PTPRE: variants seen among roughly 807,000 people sequenced by gnomAD.
PTPRE encodes the protein receptor-type tyrosine-protein phosphatase epsilon.
In PTPRE, 51 loss-of-function variants were observed where a neutral mutation model predicts 102.0. The observed-to-expected ratio is 0.50, with a 90% CI of 0.40 to 0.63. The LOEUF (loss-of-function observed/expected upper bound fraction) is 0.63. PTPRE is among the 30% of genes least tolerant of loss of function. The pLI, the probability that PTPRE is intolerant of heterozygous loss-of-function variation, is 0.00. For synonymous variants in PTPRE, 345 were observed against 348.2 expected (o/e 0.99, Z 0.10); for missense variants, 752 against 915.1 (o/e 0.82, Z 2.30).
At chr10:127,986,287 C>A (rs1852085815) in intron 2 of PTPRE, among the ~76,000 whole-genome samples, 1 of 152,180 alleles carries the variant, frequency 6.6e-6, no homozygotes, top group Admixed American at 6.5e-5. Context: ...GTTCCTTCAA[C>A]TGGAGAAAGC....
intron 2 of PTPRE, among the ~76,000 whole-genome samples, chr10:128,010,793 G>T (rs745694275): frequency 2.6e-5 from 4 of 152,002 alleles, no homozygotes; most frequent in Non-Finnish European, 5.9e-5. Context: ...GGGTTTCACC[G>T]TGTTAGCCAG....
intron 2 of PTPRE, among the ~76,000 whole-genome samples, chr10:127,983,023 C>T (rs533795099): frequency 1.2e-4 from 18 of 152,254 alleles, no homozygotes; most frequent in African/African-American, 4.3e-4. Context: ...TTAGCGGGCA[C>T]CATGATACCG....
chr10:127,997,980 T>G (rs1031489731), intron 2 of PTPRE: 1 of 152,260 alleles, frequency 6.6e-6, no homozygotes, highest in African/African-American at 2.4e-5. Flanking sequence ...CACTAAGTTT[T>G]ATATAGCCAG....
chr10:127,971,684 G>A (rs971114165), intron 1 of PTPRE, among the ~76,000 whole-genome samples: 33 of 152,206 alleles, frequency 2.2e-4, no homozygotes, highest in Admixed American at 1.9e-3. Context: ...CAGCGTGCGC[G>A]ATTTGCAGTT....
chr10:127,972,740 A>G (rs780687668), intron 1 of PTPRE, among the ~76,000 whole-genome samples: 1 of 152,168 alleles, frequency 6.6e-6, no homozygotes, highest in Non-Finnish European at 1.5e-5. Flanking sequence ...CTGGCTGGAG[A>G]GCACACGCTG....
At position 128,028,129 on chromosome 10, in the gene PTPRE, T is replaced by C. The variant is rs926667943; in HGVS notation, c.-7-12746T>C. 6.6e-6 allele frequency among the ~76,000 whole-genome samples: 1 copy of C among 152,202 alleles called. No homozygotes were observed. Among genetic ancestry groups the C allele is most frequent in the Non-Finnish European group, 1.5e-5 (1 of 68,034 alleles). On this transcript the variant is annotated intron_variant, in intron 2 of 20. Coordinates refer to ENST00000254667, the MANE Select transcript of PTPRE (RefSeq NM_006504.6). The surrounding 1 kb of genome is among the most constrained non-coding windows in gnomAD (Gnocchi z 4.5). The stretch of plus-strand genomic sequence containing the variant: ...AGACCACTGGATTTCTGGAGAACAC[T>C]GTACTTCGCCAGCCTGCGGCAGACA...
chr10:128,043,909 AT>A (rs1312243006), intron 3 of PTPRE, among the ~76,000 whole-genome samples: 1 of 152,184 alleles, frequency 6.6e-6, no homozygotes. Context: ...TTTCTTTCAT[AT>A]TTAATGTGGC....
At chr10:128,000,107 G>A (rs933629160) in intron 2 of PTPRE, 10 of 466,650 alleles carry the variant, frequency 2.1e-5, no homozygotes, top group African/African-American at 4.3e-5. Flanking sequence ...GATAATTTAG[G>A]AATGTCACAG....
rs373868826 is a variant in PTPRE, at chr10:127,967,015, GCAAA to G, written c.-30-15248_-30-15245del. 2.5e-3 allele frequency among the ~76,000 whole-genome samples: 380 copies of G among 152,272 alleles called. 2 individuals are homozygous for G. Among genetic ancestry groups the G allele is most frequent in the African/African-American group, 8.7e-3 (363 of 41,546 alleles). The stretch of plus-strand genomic sequence containing the variant: ...TCTGTAAGAGATAAAGCGTTTTGTG[GCAAA>G]CAAACAAACACTTCAAGGGCAAAGT... On this transcript the variant is annotated intron_variant, in intron 1 of 20. Coordinates refer to ENST00000254667, the MANE Select transcript of PTPRE (RefSeq NM_006504.6).
At chr10:127,972,667 G>A (rs1055981813) in intron 1 of PTPRE, among the ~76,000 whole-genome samples, 1 of 152,352 alleles carries the variant, frequency 6.6e-6, no homozygotes, top group African/African-American at 2.4e-5. Context: ...GACCTCATGT[G>A]TAGTGGCCAT....
chr10:127,999,567 C>T, intron 2 of PTPRE: 2 of 985,372 alleles, frequency 2.0e-6, no homozygotes, highest in Non-Finnish European at 2.4e-6. Flanking sequence ...CTGACTGCAC[C>T]ATCGAGCACG....
chr10:127,935,388 C>T (rs545538842), intron 1 of PTPRE, among the ~76,000 whole-genome samples: 30 of 152,292 alleles, frequency 2.0e-4, no homozygotes, highest in African/African-American at 6.7e-4. Flanking sequence ...AACCCACATC[C>T]CAGGCTTGAA....
At chr10:127,973,382 C>A (rs1345840472) in intron 1 of PTPRE, among the ~76,000 whole-genome samples, 1 of 152,154 alleles carries the variant, frequency 6.6e-6, no homozygotes, top group Non-Finnish European at 1.5e-5. Context: ...ATAACAGATA[C>A]CTAGAATCTT....
chr10:128,073,244 C>T (rs561652017), intron 16 of PTPRE, 93 bp from the exon 17 acceptor site: 3 of 1,529,726 alleles, frequency 2.0e-6, no homozygotes, highest in South Asian at 1.2e-5. Flanking sequence ...GAGTTTTCCT[C>T]ATTAGGCCTT....
At chr10:127,985,779 T>TA (rs1373093702) in intron 2 of PTPRE, among the ~76,000 whole-genome samples, 13 of 151,874 alleles carry the variant, frequency 8.6e-5, no homozygotes, top group Admixed American at 6.6e-4. Context: ...ATTTTTCACT[T>TA]AAAAAAACTA....
At chr10:128,041,646 C>CAAAAAAAAAAAAAAA (rs59411622) in intron 3 of PTPRE, among the ~76,000 whole-genome samples, 1 of 77,366 alleles carries the variant, frequency 1.3e-5, no homozygotes, top group African/African-American at 5.4e-5. Flanking sequence ...GACTACGTCT[C>CAAAAAAAAAAAAAAA]AAAAAAAAAA....
intron 3 of PTPRE, among the ~76,000 whole-genome samples, chr10:128,046,726 A>C (rs747838586): frequency 6.6e-6 from 1 of 152,158 alleles, no homozygotes; most frequent in Non-Finnish European, 1.5e-5. Flanking sequence ...ATTTGGGCTG[A>C]TGAGCCAGGG....
At chr10:127,990,066 C>A (rs190563236) in intron 2 of PTPRE, among the ~76,000 whole-genome samples, 38 of 152,268 alleles carry the variant, frequency 2.5e-4, no homozygotes, top group Non-Finnish European at 4.4e-5. Flanking sequence ...AGTCCTTTCT[C>A]TACTAAGTAT....
chr10:128,070,488 G>A lies in PTPRE; in HGVS notation c.1293+38G>A. 1 of 1,595,222 alleles carries A rather than the reference G, an allele frequency of 6.3e-7. No homozygotes were observed. The highest frequency in any genetic ancestry group is 8.5e-7 in the Non-Finnish European group (1 of 1,171,328). On this transcript the variant is annotated intron_variant, in intron 14 of 20. Coordinates refer to ENST00000254667, the MANE Select transcript of PTPRE (RefSeq NM_006504.6). The surrounding 1 kb of genome is among the most constrained non-coding windows in gnomAD (Gnocchi z 4.8). ...GACCCTCCTCTCCATCCTGGTGTAAGCAGCCAAGGGCACGAGGAAAACAGG... is the reference window on the plus strand; with the variant it reads ...GACCCTCCTCTCCATCCTGGTGTAAACAGCCAAGGGCACGAGGAAAACAGG...
Sources: allele counts gnomAD v4.1 joint callset (sites outside exome capture counted in the v4.1 genomes callset), GRCh38; gene constraint gnomAD v4.1.1; non-coding constraint Gnocchi (gnomAD v3.1); transcripts MANE v1.5; gene names NCBI Gene and HGNC (gene_info 2026-07-23, HGNC 2026-07-21).